The following EXD1 variants were observed in gnomAD, a reference collection of about 807,000 sequenced individuals.
The protein encoded by EXD1 is exonuclease 3'-5' domain containing 1.
Under a neutral mutation model 49.1 loss-of-function variants are expected in EXD1, and 63 were observed. The ratio of observed to expected loss-of-function variants is 1.28; its 90% CI spans 1.05 to 1.58. EXD1 has a LOEUF of 1.58. EXD1 is among the 40% of genes most tolerant of loss of function. EXD1 has a pLI of 0.00. For synonymous variants in EXD1, 234 were observed against 239.2 expected (o/e 0.98, Z 0.20); for missense variants, 748 against 666.0 (o/e 1.12, Z -1.36).
chr15:41,195,876 A>G (rs1225756191), intron 8 of EXD1, 21 bp from the exon 9 acceptor site: 4 of 1,611,936 alleles, frequency 2.5e-6, no homozygotes, highest in South Asian at 1.1e-5. Context: ...AGAAGGAAAC[A>G]GTCATTAGAA....
chr15:41,190,763 G>A (rs999225465), intron 10 of EXD1, among the ~76,000 whole-genome samples: 1 of 152,184 alleles, frequency 6.6e-6, no homozygotes, highest in Non-Finnish European at 1.5e-5. Flanking sequence ...ATGCAAGGAT[G>A]TCAGAAGGTA....
intron 11 of EXD1, among the ~76,000 whole-genome samples, chr15:41,186,511 G>T (rs145224465): frequency 0.01 from 1,229 of 121,330 alleles, 16 homozygotes; most frequent in African/African-American, 0.032. Context: ...AAGAATGGTT[G>T]CATTTGAAAT....
rs376750158 is a variant in EXD1 at position 41,189,976 on chromosome 15, C to T, written c.1017G>A (p.Thr339=). 1.4e-5 allele frequency: 22 copies of T among 1,613,944 alleles called. No individual in the cohort carries two copies. The highest frequency in any genetic ancestry group is 1.7e-5 in the Non-Finnish European group (20 of 1,180,008). The change falls in exon 11 of 12, where the codon ACG becomes ACA. Residue 339 remains threonine (T), a synonymous_variant. Transcript: ENST00000458580. ...LTTLVDGYLN[T]YREGSADRLG... ...GCCGGTCTGCAGACCCTTCGCGATA[C>T]GTGTTTAGGTAACCATCCACCAGGG...
intron 7 of EXD1, among the ~76,000 whole-genome samples, chr15:41,206,618 CTTTTT>C (rs764744329): frequency 4.0e-5 from 4 of 101,190 alleles, no homozygotes; most frequent in Admixed American, 2.6e-4. Context: ...TTATTCAATT[CTTTTT>C]TTTTTTTTTT....
At chr15:41,201,579 TC>T (rs2046729742) in intron 7 of EXD1, among the ~76,000 whole-genome samples, 1 of 146,842 alleles carries the variant, frequency 6.8e-6, no homozygotes, top group African/African-American at 2.5e-5. Flanking sequence ...AACCTCCATC[TC>T]CTAGGTTCAA....
At chr15:41,190,656 G>T (rs2046499386) in intron 10 of EXD1, among the ~76,000 whole-genome samples, 1 of 152,106 alleles carries the variant, frequency 6.6e-6, no homozygotes, top group East Asian at 1.9e-4. Flanking sequence ...GAAAGAGAGG[G>T]GTAGAGGTTG....
chr15:41,226,698 C>T, intron 1 of EXD1, 70 bp from the exon 2 acceptor site: 4 of 1,246,748 alleles, frequency 3.2e-6, no homozygotes, highest in South Asian at 3.4e-5. Context: ...TTCCCTTTCC[C>T]CATATCTGTA....
rs758285001 is a variant in EXD1 at position 41,195,815 on chromosome 15, TGA to T, written c.678_679del (p.His227SerfsTer8). 1.9e-5 allele frequency: 30 copies of T among 1,613,548 alleles called. No homozygotes were observed. Among genetic ancestry groups the T allele is most frequent in the Non-Finnish European group, 2.5e-5 (30 of 1,179,954 alleles). On this transcript the variant is annotated frameshift_variant, in exon 9 of 12. Transcript: ENST00000458580. LOFTEE classifies it high-confidence loss of function. ...ATTATTCAGCAAAATTCCATACTGATGAGAGAGGCAATCAGAAAGCCAACGAC... is the reference window on the plus strand; with the variant it reads ...ATTATTCAGCAAAATTCCATACTGATGAGAGGCAATCAGAAAGCCAACGAC...
At chr15:41,219,486 G>C (rs902753528) in intron 3 of EXD1, 7 of 201,062 alleles carry the variant, frequency 3.5e-5, no homozygotes, top group African/African-American at 1.6e-4. Context: ...AAAAATTCTT[G>C]ATTCTGAGAC....
In EXD1 at chr15:41,201,892, G is replaced by GTCTA. The variant is rs138746528; in HGVS notation, c.535-5859_535-5856dup. On this transcript the variant is annotated intron_variant, in intron 7 of 11. Coordinates refer to ENST00000458580, the MANE Select transcript of EXD1 (RefSeq NM_001286441.2). ...AAACGCCAGGCGTGGTGTGGCTCAT[G>GTCTA]TCTATATCTCAGCATATTGGGAGGC... Among the ~76,000 whole-genome samples, 484 of 152,156 alleles carry GTCTA rather than the reference G, an allele frequency of 3.2e-3. 4 individuals are homozygous for GTCTA. The highest frequency in any genetic ancestry group is 0.011 in the African/African-American group (459 of 41,522).
chr15:41,199,121 A>T (rs1452664265), intron 7 of EXD1, among the ~76,000 whole-genome samples: 1 of 151,982 alleles, frequency 6.6e-6, no homozygotes. Context: ...CAACACACCC[A>T]GCTAATTTTG....
At chr15:41,192,767 T>C (rs2046546480) in intron 9 of EXD1, among the ~76,000 whole-genome samples, 1 of 149,674 alleles carries the variant, frequency 6.7e-6, no homozygotes, top group Non-Finnish European at 1.5e-5. Flanking sequence ...CACATCCCAC[T>C]ATGCCTGGCT....
chr15:41,199,747 T>TGATATATATCA lies in EXD1; in HGVS notation c.535-3711_535-3710insTGATATATATC. On this transcript the variant is annotated intron_variant, in intron 7 of 11. Coordinates refer to ENST00000458580, the MANE Select transcript of EXD1 (RefSeq NM_001286441.2). ...TTATATATGATATATATGTCATATA[T>TGATATATATCA]TATATATGATACATATATGATATAT... Among the ~76,000 whole-genome samples, 2 of 99,762 alleles carry TGATATATATCA rather than the reference T, an allele frequency of 2.0e-5. 1 individual carries two copies. The highest frequency in any genetic ancestry group is 8.0e-5 in the African/African-American group (2 of 25,138). 65.4% of individuals were successfully genotyped at this position (99,762 alleles called of 152,430 possible). A position where few individuals can be genotyped will look rare whatever the true frequency, so the allele number is the denominator to read the frequency against.
chr15:41,203,198 C>T (rs2046761254), intron 7 of EXD1, among the ~76,000 whole-genome samples: 1 of 152,048 alleles, frequency 6.6e-6, no homozygotes, highest in Non-Finnish European at 1.5e-5. Flanking sequence ...AAGTGAGGAG[C>T]TGGAAACAGG....
chr15:41,206,488 A>G (rs906000111), intron 7 of EXD1, among the ~76,000 whole-genome samples: 10 of 151,778 alleles, frequency 6.6e-5, no homozygotes, highest in Non-Finnish European at 1.5e-4. Context: ...AAAAAAAAAA[A>G]AAAAAGAAAC....
chr15:41,196,527 A>G (rs543831803), intron 7 of EXD1, among the ~76,000 whole-genome samples: 2 of 152,132 alleles, frequency 1.3e-5, no homozygotes, highest in East Asian at 3.9e-4. Flanking sequence ...CATGTTGGCC[A>G]GGATGGTCTC....
At chr15:41,193,419 C>T (rs1311196731) in intron 9 of EXD1, among the ~76,000 whole-genome samples, 1 of 151,992 alleles carries the variant, frequency 6.6e-6, no homozygotes, top group African/African-American at 2.4e-5. Flanking sequence ...CCAGCATGGG[C>T]AACATAGTGA....
rs1304856160 is a variant in EXD1, at chr15:41,184,520, G to T, written c.1130C>A (p.Ala377Glu). Residue 377 changes from alanine (A) to glutamate (E), a missense_variant, in exon 12 of 12, where the codon GCA becomes GAA. Coordinates refer to ENST00000458580, the MANE Select transcript of EXD1 (RefSeq NM_001286441.2). Reference sequence around the variant, plus strand: ...CTGTGCATTCACCCTATATTCTCTTGCAGCTTTCTCCCTGCGCTGCTTCTG... The same window carrying T: ...CTGTGCATTCACCCTATATTCTCTTTCAGCTTTCTCCCTGCGCTGCTTCTG... ...DFQKQRREKA[A>E]REYRVNAQGL... 1 of 1,613,430 alleles carries T rather than the reference G, an allele frequency of 6.2e-7. No homozygotes were observed. The highest frequency in any genetic ancestry group is 8.5e-7 in the Non-Finnish European group (1 of 1,179,862).
intron 7 of EXD1, among the ~76,000 whole-genome samples, chr15:41,198,438 C>T (rs1357768612): frequency 3.3e-5 from 5 of 152,082 alleles, no homozygotes; most frequent in Admixed American, 2.6e-4. Context: ...CACCTGTAAT[C>T]GTAAGCACTT....
Sources: gnomAD v4.1 joint callset for allele counts (sites outside exome capture counted in the v4.1 genomes callset) on GRCh38, gnomAD v4.1.1 for gene constraint, MANE v1.5 for transcripts, NCBI Gene and HGNC (gene_info 2026-07-23, HGNC 2026-07-21) for gene names.